Variants in NCOA2 observed in about 807,000 individuals in gnomAD.
The protein encoded by NCOA2 is nuclear receptor coactivator 2, also known as class E basic helix-loop-helix protein 75.
In NCOA2, 21 loss-of-function variants were observed where a neutral mutation model predicts 145.1. The ratio of observed to expected loss-of-function variants is 0.14; its 90% CI spans 0.10 to 0.21. The LOEUF (loss-of-function observed/expected upper bound fraction) is 0.21, where lower values mean the gene tolerates loss of function less well. NCOA2 is among the 10% of genes least tolerant of loss of function. The pLI is 1.00. For missense variants in NCOA2, 1,472 were observed against 1,837.6 expected (o/e 0.80, Z 3.64); for synonymous variants, 619 against 637.5 (o/e 0.97, Z 0.44).
At position 70,186,383 on chromosome 8, in the gene NCOA2, C is replaced by T. The variant is rs560972492; in HGVS notation, c.260-11524G>A. Among the ~76,000 whole-genome samples, 3 of 152,250 alleles carry T rather than the reference C, an allele frequency of 2.0e-5. No individual in the cohort carries two copies. The South Asian group carries it at 6.2e-4, about 32-fold the overall frequency. ...ATGTCCTCCCTCCTCACTTTCCTCC[C>T]CTGACCAGCTAATCTCAGAATGGTC... is the stretch of plus-strand genomic sequence containing the variant. On this transcript the variant is annotated intron_variant, in intron 4 of 22. Transcript: ENST00000452400.
intron 1 of NCOA2, 91 bp downstream of exon 1, chr8:70,403,609 G>A (rs1207682103): frequency 6.2e-6 from 2 of 321,444 alleles, no homozygotes; most frequent in Admixed American, 5.0e-5. Context: ...GCGCAGGAAG[G>A]GCAGTCGCGG....
At chr8:70,280,628 G>A (rs1284080539) in intron 2 of NCOA2, among the ~76,000 whole-genome samples, 7 of 152,104 alleles carry the variant, frequency 4.6e-5, no homozygotes, top group Non-Finnish European at 8.8e-5. Context: ...ATCTAAACTA[G>A]ATTTCTTGGT....
chr8:70,228,800 C>G (rs1160614779), intron 2 of NCOA2, among the ~76,000 whole-genome samples: 1 of 152,222 alleles, frequency 6.6e-6, no homozygotes, highest in East Asian at 1.9e-4. Context: ...GCCTCAGAGA[C>G]AGCTAGCTAT....
intron 2 of NCOA2, among the ~76,000 whole-genome samples, chr8:70,252,415 T>TA (rs1823271559): frequency 6.6e-6 from 1 of 152,132 alleles, no homozygotes; most frequent in Non-Finnish European, 1.5e-5. Context: ...TATCTATTTT[T>TA]AAAAAATAAA....
chr8:70,319,581 A>T (rs1295603289), intron 1 of NCOA2, among the ~76,000 whole-genome samples: 1 of 151,834 alleles, frequency 6.6e-6, no homozygotes, highest in African/African-American at 2.4e-5. Flanking sequence ...AGCTCTATTT[A>T]GCTGGCTTTT....
At chr8:70,206,565 T>C (rs1479520938) in intron 4 of NCOA2, among the ~76,000 whole-genome samples, 1 of 152,226 alleles carries the variant, frequency 6.6e-6, no homozygotes, top group Non-Finnish European at 1.5e-5. Context: ...ATTCCAAATA[T>C]AGAGTATCTC....
intron 2 of NCOA2, among the ~76,000 whole-genome samples, chr8:70,263,722 C>T (rs1824338262): frequency 2.0e-5 from 3 of 150,760 alleles, no homozygotes; most frequent in Admixed American, 2.0e-4. Flanking sequence ...GAGTGAGACT[C>T]CATCTCAAAA....
At chr8:70,169,500 A>ACGCTGAATCTCAAACTT (rs1417722036) in intron 6 of NCOA2, among the ~76,000 whole-genome samples, 1 of 152,256 alleles carries the variant, frequency 6.6e-6, no homozygotes, top group Non-Finnish European at 1.5e-5. Context: ...GACTCAAAAT[A>ACGCTGAATCTCAAACTT]CGCTGAATCT....
At chr8:70,329,180 G>C (rs1480444964) in intron 1 of NCOA2, among the ~76,000 whole-genome samples, 1 of 152,062 alleles carries the variant, frequency 6.6e-6, no homozygotes, top group Admixed American at 6.5e-5. Context: ...GAGTGCAGTG[G>C]TGCTATCACA....
intron 12 of NCOA2, among the ~76,000 whole-genome samples, chr8:70,147,136 G>GTA (rs1175903669): frequency 2.0e-5 from 3 of 151,878 alleles, no homozygotes; most frequent in African/African-American, 7.3e-5. Flanking sequence ...GCGTGTGTGT[G>GTA]TGTGTGTGTG....
chr8:70,218,201 T>TTG (rs1279224268), intron 2 of NCOA2, among the ~76,000 whole-genome samples: 1 of 148,922 alleles, frequency 6.7e-6, no homozygotes, highest in Non-Finnish European at 1.5e-5. Context: ...TGGAGTTAGT[T>TTG]TTTTTTTTTT....
chr8:70,395,191 A>G (rs561432289), intron 1 of NCOA2, among the ~76,000 whole-genome samples: 1 of 152,372 alleles, frequency 6.6e-6, no homozygotes, highest in African/African-American at 2.4e-5. Flanking sequence ...GGTAGAGGAG[A>G]AAGATGTGCA....
Position 70,162,787 on chromosome 8 carries a change from T to C in NCOA2, c.900A>G (p.Val300=), listed in dbSNP as rs757806818. 1.1e-5 allele frequency: 17 copies of C among 1,613,992 alleles called. No individual in the cohort carries two copies. The South Asian group carries it at 1.9e-4, about 18-fold the overall frequency. The change falls in exon 9 of 23, where the codon GTA becomes GTG. Residue 300 remains valine, a synonymous_variant. Coordinates refer to ENST00000452400, the MANE Select transcript of NCOA2 (RefSeq NM_006540.4). The stretch of plus-strand genomic sequence containing the variant: ...CATGGAACTTCTGAATACACCTTCT[T>C]ACCAGGTCCTCCCAGCCTGGTTTCA... ...AAMKPGWEDL[V]RRCIQKFHAQ...
intron 1 of NCOA2, among the ~76,000 whole-genome samples, chr8:70,368,426 G>C (rs901350186): frequency 1.3e-5 from 2 of 152,152 alleles, no homozygotes; most frequent in Admixed American, 6.5e-5. Flanking sequence ...TCAAAGGGGA[G>C]TAATGGATGG....
chr8:70,162,910 AAT>A lies in NCOA2; in HGVS notation c.833-58_833-57del. 134 of 964,350 alleles carry A rather than the reference AAT, an allele frequency of 1.4e-4. 2 individuals carry two copies. The highest frequency in any genetic ancestry group is 1.1e-3 in the Admixed American group (25 of 23,264). 59.7% of individuals were successfully genotyped at this position (964,350 alleles called of 1,614,324 possible). On this transcript the variant is annotated intron_variant, in intron 8 of 22. Coordinates refer to ENST00000452400, the MANE Select transcript of NCOA2 (RefSeq NM_006540.4). ...ATGTTGATCTATTCTTTATGGAAAT[AAT>A]TTTTTTTTTTTTTTTTTTTTGAGAC...
chr8:70,174,901 C>T lies in NCOA2; in HGVS notation c.260-42G>A, dbSNP rs772793245. 2.6e-6 allele frequency: 4 copies of T among 1,527,930 alleles called. No individual in the cohort carries two copies. The Admixed American group carries it at 6.7e-5, about 26-fold the overall frequency. The allele number at this position is 1,527,930 out of a possible 1,614,324, so 94.6% of individuals were successfully genotyped here. On this transcript the variant is annotated intron_variant, in intron 4 of 22. Transcript: ENST00000452400. ...TGTGAATTAAATGGCAGTGCTATTTCAAGGACAGAGTGACACAGAAATGTT... is the reference window on the plus strand; with the variant it reads ...TGTGAATTAAATGGCAGTGCTATTTTAAGGACAGAGTGACACAGAAATGTT...
intron 1 of NCOA2, among the ~76,000 whole-genome samples, chr8:70,373,666 G>C (rs1427964044): frequency 6.6e-6 from 1 of 152,022 alleles, no homozygotes; most frequent in Non-Finnish European, 1.5e-5. Context: ...AACTTTCATA[G>C]TTTTAGCTTT....
chr8:70,295,428 C>T lies in NCOA2; in HGVS notation c.-20+1316G>A, dbSNP rs781442726. Among the ~76,000 whole-genome samples, 8 of 152,088 alleles carry T rather than the reference C, an allele frequency of 5.3e-5. No individual in the cohort carries two copies. The East Asian group carries it at 7.7e-4, about 15-fold the overall frequency. On this transcript the variant is annotated intron_variant, in intron 2 of 22. Coordinates refer to ENST00000452400, the MANE Select transcript of NCOA2 (RefSeq NM_006540.4). ...ATGTTAATATGATCCAGTATGGAGA[C>T]GAGAAGCTGCCACACTTCCTTCAGG... is the stretch of plus-strand genomic sequence containing the variant.
rs142904859 is a variant in NCOA2, at chr8:70,375,687, G to C, written c.-77+28013C>G. ...TGATCAGAAAATCGAGGTGAACCTG[G>C]TTAGAGTTCCACAACCAGGGTCATT... On this transcript the variant is annotated intron_variant, in intron 1 of 22. Transcript: ENST00000452400. Among the ~76,000 whole-genome samples the C allele has an allele frequency of 8.7e-4, 132 of 152,194 alleles. 1 individual carries two copies. The highest frequency in any genetic ancestry group is 3.1e-3 in the African/African-American group (127 of 41,512).
Sources: gnomAD v4.1 joint callset for allele counts (sites outside exome capture counted in the v4.1 genomes callset) on GRCh38, gnomAD v4.1.1 for gene constraint, MANE v1.5 for transcripts, NCBI Gene and HGNC (gene_info 2026-07-23, HGNC 2026-07-21) for gene names.